Variants in PTCH1 observed in about 807,000 individuals in gnomAD.
PTCH1 encodes the protein patched 1.
A neutral mutation model predicts 144.6 loss-of-function variants in PTCH1; 14 were observed. The observed-to-expected ratio is 0.10, with a 90% CI of 0.06 to 0.15. PTCH1 has a LOEUF of 0.15. Among genes scored for constraint, PTCH1 ranks in the 10% least tolerant of loss-of-function variants. PTCH1 has a pLI of 1.00. For synonymous variants in PTCH1, 833 were observed against 793.6 expected (o/e 1.05, Z -0.83); for missense variants, 1,623 against 1,948.3 (o/e 0.83, Z 3.14).
At chr9:95,511,611 A>T (rs1844163698), upstream of PTCH1, among the ~76,000 whole-genome samples, 2 of 152,220 alleles carry the variant, frequency 1.3e-5, no homozygotes, top group Non-Finnish European at 2.9e-5. Context: ...CTCGGAAAGC[A>T]GGCGGGCAGC....
chr9:95,480,987 C>T (rs1841492742), intron 5 of PTCH1, among the ~76,000 whole-genome samples: 1 of 151,944 alleles, frequency 6.6e-6, no homozygotes, highest in Admixed American at 6.5e-5. Context: ...TAAATGTCAT[C>T]AATCAAAATA....
chr9:95,448,401 C>A (rs544474136), intron 22 of PTCH1, among the ~76,000 whole-genome samples: 1 of 152,082 alleles, frequency 6.6e-6, no homozygotes. Flanking sequence ...CAGGGCTGAG[C>A]CCATCCCAGG....
At chr9:95,505,930 G>T (rs1489078360) in intron 2 of PTCH1, among the ~76,000 whole-genome samples, 2 of 145,960 alleles carry the variant, frequency 1.4e-5, no homozygotes, top group Admixed American at 1.4e-4. Context: ...CCGGGGGCGC[G>T]CACACTCCAG....
chr9:95,451,473 C>T (rs1004260823), intron 20 of PTCH1: 5 of 152,320 alleles, frequency 3.3e-5, no homozygotes, highest in African/African-American at 9.6e-5. Context: ...GAGAGGAGAG[C>T]GCTGGGATTC....
At chr9:95,478,509 G>A (rs150986441) in intron 8 of PTCH1, among the ~76,000 whole-genome samples, 17 of 152,172 alleles carry the variant, frequency 1.1e-4, no homozygotes, top group African/African-American at 2.9e-4. Context: ...ATTGACTTGC[G>A]GTCCCATCGG....
chr9:95,508,930 G>T lies in PTCH1; in HGVS notation c.-569C>A, dbSNP rs1443898545. ...GCCCGGCGGGTCTCAGCGCTGCCGG[G>T]CCCGGGCAGCCGCAGCTGCCGCTGC... On this transcript the variant is annotated 5_prime_UTR_variant, in exon 1 of 24. Transcript: ENST00000331920. Among the ~76,000 whole-genome samples, 2 of 150,768 alleles carry T rather than the reference G, an allele frequency of 1.3e-5. No homozygotes were observed. The highest frequency in any genetic ancestry group is 6.6e-5 in the Admixed American group (1 of 15,176).
rs925664072 is a variant in PTCH1, at chr9:95,475,740, A to G, written c.1728+294T>C. Among the ~76,000 whole-genome samples the G allele has an allele frequency of 2.0e-5, 3 of 152,124 alleles. No individual in the cohort carries two copies. The South Asian group carries it at 6.2e-4, about 32-fold the overall frequency. On this transcript the variant is annotated intron_variant, in intron 12 of 23. Transcript: ENST00000331920. ...CTGGTGACCCCAGAGGGCAACATGG[A>G]GTAGCCCCGAAAGCCATGCATAAAG... is the stretch of plus-strand genomic sequence containing the variant.
At chr9:95,498,755 A>C (rs117688614) in intron 2 of PTCH1, among the ~76,000 whole-genome samples, 1 of 152,304 alleles carries the variant, frequency 6.6e-6, no homozygotes, top group East Asian at 1.9e-4. Flanking sequence ...GATGACCCTG[A>C]TTATATCTGT....
At chr9:95,491,138 G>C (rs889839622) in intron 2 of PTCH1, among the ~76,000 whole-genome samples, 1 of 152,188 alleles carries the variant, frequency 6.6e-6, no homozygotes, top group African/African-American at 2.4e-5. Flanking sequence ...AGGATCCTGA[G>C]ACACAAAATA....
chr9:95,447,175 C>T lies in PTCH1; in HGVS notation c.4081G>A (p.Val1361Met), dbSNP rs753535745. Reference protein sequence around the residue: ...NPASTAMGSSVPGYCQPITTV... With the variant: ...NPASTAMGSSMPGYCQPITTV... ...GTGATGGGCTGGCAGTAGCCGGGCA[C>T]GGAGCTGCCCATGGCAGTGGACGCT... The change falls in exon 23 of 24, where the codon GTG (valine) becomes ATG (methionine). Residue 1361 changes from valine (V) to methionine (M), a missense_variant. Transcript: ENST00000331920. 1.5e-5 allele frequency: 25 copies of T among 1,612,924 alleles called. No individual in the cohort carries two copies. Among genetic ancestry groups the T allele is most frequent in the African/African-American group, 2.7e-5 (2 of 74,946 alleles).
chr9:95,446,773 A>G lies in PTCH1; in HGVS notation c.*1+138T>C, dbSNP rs73540189. The G allele has an allele frequency of 6.1e-4, 697 of 1,139,998 alleles. 3 individuals carry two copies. In the African/African-American group the frequency reaches 9.6e-3, roughly 16 times the overall value. 70.6% of individuals were successfully genotyped at this position (1,139,998 alleles called of 1,614,324 possible). A position where few individuals can be genotyped will look rare whatever the true frequency, so the allele number is the denominator to read the frequency against. On this transcript the variant is annotated intron_variant, in intron 23 of 23. Transcript: ENST00000331920. ...TGGACACATCAGCCTTGCTCTGGGG[A>G]TAAAAGGTCACTGGGGTCCAGCGTG...
chr9:95,494,132 G>C (rs921923944), intron 2 of PTCH1: 2 of 890,852 alleles, frequency 2.2e-6, no homozygotes, highest in Admixed American at 6.2e-5. Flanking sequence ...GTGCGCAGGC[G>C]CTCGCGCGGG....
chr9:95,461,850 G>C lies in PTCH1; in HGVS notation c.2703+6C>G, dbSNP rs956716678. On this transcript the variant is annotated splice_donor_region_variant and intron_variant, in intron 16 of 23. Coordinates refer to ENST00000331920, the MANE Select transcript of PTCH1 (RefSeq NM_000264.5). Reference sequence around the variant, plus strand: ...AAGCGCCCTCAGTGCCCAGCAGCTGGAGTACCTGGCTGATGTCGATGGGCT... The same window carrying C: ...AAGCGCCCTCAGTGCCCAGCAGCTGCAGTACCTGGCTGATGTCGATGGGCT... 3 of 1,614,140 alleles carry C rather than the reference G, an allele frequency of 1.9e-6. No individual in the cohort carries two copies. The highest frequency in any genetic ancestry group is 1.7e-5 in the Admixed American group (1 of 60,018).
rs1840287540 is a variant in PTCH1 at position 95,468,875 on chromosome 9, C to T, written c.2126G>A (p.Arg709Lys). 1.2e-6 allele frequency: 2 copies of T among 1,614,098 alleles called. No individual in the cohort carries two copies. Among genetic ancestry groups the T allele is most frequent in the Non-Finnish European group, 1.7e-6 (2 of 1,180,026 alleles). Reference sequence around the variant, plus strand: ...GTCGGAGAACTGGGAGAGCAGGTCCCTTGTGGAGCTGGTGCTCTCTGGGCT... The same window carrying T: ...GTCGGAGAACTGGGAGAGCAGGTCCTTTGTGGAGCTGGTGCTCTCTGGGCT... ...CQSPESTSSTRDLLSQFSDSS... is the reference protein window; with the variant it reads ...CQSPESTSSTKDLLSQFSDSS... Residue 709 changes from arginine (R) to lysine (K), a missense_variant, in exon 14 of 24, where the codon AGG becomes AAG. Physicochemically the swap from Arg to Lys is conservative, Grantham distance 26 (BLOSUM62 2). Around this residue, in one of 7 missense-constraint regions of PTCH1, gnomAD observed 179 missense variants for 165.7 expected, o/e 1.08. Transcript: ENST00000331920.
In PTCH1 at chr9:95,469,852, C is replaced by T. The variant is rs199523893; in HGVS notation, c.1808G>A (p.Arg603His). Residue 603 changes from arginine to histidine, a missense_variant, in exon 13 of 24, where the codon CGC (arginine) becomes CAC (histidine). Arg to His is a conservative substitution (Grantham distance 29, BLOSUM62 0). Coordinates refer to ENST00000331920, the MANE Select transcript of PTCH1 (RefSeq NM_000264.5). The part of the protein sequence containing the change: ...PAILSMDLYR[R>H]EDRRLDIFCC... The stretch of plus-strand genomic sequence containing the variant: ...GAAAATATCCAGTCTCCTGTCCTCG[C>T]GTCGATATAAATCCATGCTGAGAAT... 65 of 1,613,926 alleles carry T rather than the reference C, an allele frequency of 4.0e-5. No homozygotes were observed. The highest frequency in any genetic ancestry group is 3.2e-4 in the Admixed American group (19 of 59,996).
rs1060502291 is a variant in PTCH1, at chr9:95,468,981, C to T, written c.2020G>A (p.Val674Met). The T allele has an allele frequency of 5.6e-6, 9 of 1,613,908 alleles. No homozygotes were observed. Among genetic ancestry groups the T allele is most frequent in the East Asian group, 2.2e-5 (1 of 44,886 alleles). Reference sequence around the variant, plus strand: ...CGCGGCTCAGCGGTGGTGTAGTACACGTGCGTGTGGGGGTCGTACTCCGTG... The same window carrying T: ...CGCGGCTCAGCGGTGGTGTAGTACATGTGCGTGTGGGGGTCGTACTCCGTG... Reference protein sequence around the residue: ...LRTEYDPHTHVYYTTAEPRSE... With the variant: ...LRTEYDPHTHMYYTTAEPRSE... The change falls in exon 14 of 24, where the codon GTG becomes ATG. Residue 674 changes from valine to methionine, a missense_variant. Val to Met is a conservative substitution (Grantham distance 21). Around this residue, in one of 7 missense-constraint regions of PTCH1, gnomAD observed 179 missense variants for 165.7 expected, o/e 1.08. Coordinates refer to ENST00000331920, the MANE Select transcript of PTCH1 (RefSeq NM_000264.5).
intron 20 of PTCH1, chr9:95,451,619 T>G (rs953267829): frequency 4.6e-5 from 7 of 152,250 alleles, no homozygotes; most frequent in African/African-American, 1.7e-4. Context: ...GTTTTGCCTG[T>G]GAACTTGTCT....
In PTCH1 at chr9:95,490,556, C is replaced by CACACAA. The variant is rs745936852; in HGVS notation, c.395-4683_395-4682insTTGTGT. Among the ~76,000 whole-genome samples the CACACAA allele has an allele frequency of 9.5e-3, 1,346 of 141,154 alleles. 18 individuals are homozygous for CACACAA. The highest frequency in any genetic ancestry group is 0.016 in the Non-Finnish European group (1,005 of 63,896). The allele number at this position is 141,154 out of a possible 152,430, so 92.6% of individuals were successfully genotyped here. A position where few individuals can be genotyped will look rare whatever the true frequency, so the allele number is the denominator to read the frequency against. On this transcript the variant is annotated intron_variant, in intron 2 of 23. Coordinates refer to ENST00000331920, the MANE Select transcript of PTCH1 (RefSeq NM_000264.5). ...ACACACACACACACACACACACACACAAAAGAAAGATAGATATGAGAGCTA... is the reference window on the plus strand; with the variant it reads ...ACACACACACACACACACACACACACACACAAAAAAGAAAGATAGATATGAGAGCTA...
chr9:95,479,849 C>T (rs972746015), intron 7 of PTCH1, 120 bp downstream of exon 7: 26 of 1,512,168 alleles, frequency 1.7e-5, no homozygotes, highest in Non-Finnish European at 2.3e-5. Context: ...CGCCACCTGG[C>T]TAGCGAGGAT....
Sources: allele counts gnomAD v4.1 joint callset (sites outside exome capture counted in the v4.1 genomes callset), GRCh38; gene constraint gnomAD v4.1.1; regional missense constraint gnomAD v4.1.1; transcripts MANE v1.5; gene names NCBI Gene and HGNC (gene_info 2026-07-23, HGNC 2026-07-21).